ZCCHC8: variants seen among roughly 807,000 people sequenced by gnomAD.
The protein encoded by ZCCHC8 is zinc finger CCHC-type containing 8.
Under a neutral mutation model 70.6 loss-of-function variants are expected in ZCCHC8, and 27 were observed. That is an observed-to-expected ratio of 0.38 (90% CI 0.28 to 0.53). The LOEUF (loss-of-function observed/expected upper bound fraction) is 0.53, where lower values mean the gene tolerates loss of function less well. ZCCHC8 is among the 20% of genes least tolerant of loss of function. The pLI is 0.81. For missense variants in ZCCHC8, 737 were observed against 876.9 expected (o/e 0.84, Z 2.01); for synonymous variants, 293 against 317.4 (o/e 0.92, Z 0.82).
intron 5 of ZCCHC8, among the ~76,000 whole-genome samples, chr12:122,484,767 G>A (rs1444838679): frequency 1.3e-5 from 2 of 151,988 alleles, no homozygotes; most frequent in African/African-American, 4.8e-5. Flanking sequence ...ACTGGGCTGA[G>A]CTCCTAACAA....
intron 2 of ZCCHC8, among the ~76,000 whole-genome samples, chr12:122,497,577 G>C (rs1957845851): frequency 6.6e-6 from 1 of 152,014 alleles, no homozygotes; most frequent in South Asian, 2.1e-4. Flanking sequence ...AAGTGCATGT[G>C]AAATTACATC....
At chr12:122,494,581 C>A (rs1432391886) in intron 2 of ZCCHC8, among the ~76,000 whole-genome samples, 1 of 149,642 alleles carries the variant, frequency 6.7e-6, no homozygotes, top group East Asian at 2.0e-4. Context: ...AAGGGCCAGG[C>A]ACGGTGGCTC....
At chr12:122,495,344 A>T (rs993758071) in intron 2 of ZCCHC8, among the ~76,000 whole-genome samples, 3 of 151,914 alleles carry the variant, frequency 2.0e-5, no homozygotes, top group Non-Finnish European at 4.4e-5. Context: ...TACAAAAATT[A>T]TCCAGGCGTG....
At position 122,472,765 on chromosome 12, in the gene ZCCHC8, G is replaced by A. The variant is rs903462134; in HGVS notation, c.*732C>T. 3 of 152,130 alleles carry A rather than the reference G, an allele frequency of 2.0e-5. No homozygotes were observed. Among genetic ancestry groups the A allele is most frequent in the East Asian group, 1.9e-4 (1 of 5,164 alleles). 9.4% of individuals were successfully genotyped at this position (152,130 alleles called of 1,614,324 possible). On this transcript the variant is annotated 3_prime_UTR_variant, in exon 14 of 14. Transcript: ENST00000633063. Reference sequence around the variant, plus strand: ...CTTAAACTCGGGAGGCGGAGGTTGCGGTGAGCCGAGATTGTGCCATTGCAC... The same window carrying A: ...CTTAAACTCGGGAGGCGGAGGTTGCAGTGAGCCGAGATTGTGCCATTGCAC...
At position 122,474,147 on chromosome 12, in the gene ZCCHC8, T is replaced by A. The variant is rs755245037; in HGVS notation, c.1474A>T (p.Thr492Ser). The change falls in exon 14 of 14, where the codon ACC (threonine) becomes TCC (serine). Residue 492 changes from threonine (T) to serine (S), a missense_variant. Physicochemically the swap from Thr to Ser is moderately conservative, Grantham distance 58. Transcript: ENST00000633063. ...GAGTCACTGGGAGTCAGCGGCGGGG[T>A]GCCCTTTGGGAGTGGAGGGGTGAAG... ...PVFTPPLPKG[T>S]PPLTPSDSPQ... 7 of 1,506,710 alleles carry A rather than the reference T, an allele frequency of 4.6e-6. No individual in the cohort carries two copies. The highest frequency in any genetic ancestry group is 6.2e-6 in the Non-Finnish European group (7 of 1,133,120). 93.3% of individuals were successfully genotyped at this position (1,506,710 alleles called of 1,614,324 possible). A position where few individuals can be genotyped will look rare whatever the true frequency, so the allele number is the denominator to read the frequency against.
intron 2 of ZCCHC8, among the ~76,000 whole-genome samples, chr12:122,494,840 G>A (rs1369763910): frequency 6.6e-6 from 1 of 152,260 alleles, no homozygotes; most frequent in African/African-American, 2.4e-5. Context: ...GGGTGACAGA[G>A]CAACACGCTC....
chr12:122,479,965 C>T (rs1957498737), intron 11 of ZCCHC8, among the ~76,000 whole-genome samples: 1 of 152,108 alleles, frequency 6.6e-6, no homozygotes, highest in Non-Finnish European at 1.5e-5. Context: ...CATGTGCCAC[C>T]ACCCTTGGCT....
At chr12:122,491,266 C>G in intron 3 of ZCCHC8, among the ~76,000 whole-genome samples, 1 of 152,136 alleles carries the variant, frequency 6.6e-6, no homozygotes, top group East Asian at 1.9e-4. Flanking sequence ...TTTTAGGTAT[C>G]TTGTAGCTCT....
chr12:122,476,896 C>T (rs1249006668), intron 13 of ZCCHC8, among the ~76,000 whole-genome samples: 1 of 151,520 alleles, frequency 6.6e-6, no homozygotes, highest in Non-Finnish European at 1.5e-5. Flanking sequence ...GTGGCGGGCA[C>T]CTGTAATCCC....
intron 2 of ZCCHC8, among the ~76,000 whole-genome samples, chr12:122,497,487 A>T (rs1414042132): frequency 6.6e-6 from 1 of 152,104 alleles, no homozygotes; most frequent in East Asian, 1.9e-4. Flanking sequence ...GGTTGCAGTG[A>T]GCTGAGATAG....
intron 5 of ZCCHC8, among the ~76,000 whole-genome samples, chr12:122,485,070 T>C (rs1230880768): frequency 3.3e-5 from 5 of 152,200 alleles, no homozygotes; most frequent in Non-Finnish European, 5.9e-5. Flanking sequence ...CCATGGTATG[T>C]AGTATAATAT....
Position 122,477,029 on chromosome 12 carries a change from C to T in ZCCHC8, c.1345+812G>A, listed in dbSNP as rs559527685. Among the ~76,000 whole-genome samples the T allele has an allele frequency of 3.3e-5, 5 of 151,434 alleles. No individual in the cohort carries two copies. In the East Asian group the frequency reaches 7.8e-4, roughly 24 times the overall value. On this transcript the variant is annotated intron_variant, in intron 13 of 13. Transcript: ENST00000633063. ...AGTGAAACTCTGTCTCGAAAAACAA[C>T]CGAAAAAACAAAGAAAAACTTAGGG...
intron 3 of ZCCHC8, 142 bp downstream of exon 3, chr12:122,492,573 A>T: frequency 1.6e-6 from 1 of 634,362 alleles, no homozygotes; most frequent in Non-Finnish European, 2.8e-6. Flanking sequence ...GCTCTTAATC[A>T]TGATTCCTTG....
In ZCCHC8 at chr12:122,500,231, G is replaced by A; in HGVS notation, c.199+411C>T. 5.7e-6 allele frequency: 1 copy of A among 176,060 alleles called. No homozygotes were observed. The highest frequency in any genetic ancestry group is 1.2e-5 in the Non-Finnish European group (1 of 83,266). The allele number at this position is 176,060 out of a possible 1,614,324, so 10.9% of individuals were successfully genotyped here. ...TAAAAACCGATCCCGCGTCTAAGCA[G>A]CCGGTATTTCATCACCTACAACTGT... is the stretch of plus-strand genomic sequence containing the variant. On this transcript the variant is annotated intron_variant, in intron 1 of 13. Coordinates refer to ENST00000633063, the MANE Select transcript of ZCCHC8 (RefSeq NM_017612.5). This position sits in a 1 kb window ranked among gnomAD's most constrained non-coding sequence, Gnocchi z 4.8.
chr12:122,492,942 A>T (rs1193617937), intron 2 of ZCCHC8, among the ~76,000 whole-genome samples, 153 bp from the exon 3 acceptor site: 2 of 151,642 alleles, frequency 1.3e-5, no homozygotes, highest in Non-Finnish European at 2.9e-5. Context: ...GAGATCTTGG[A>T]TCACTGCAAC....
chr12:122,488,853 A>C (rs1957691153), intron 5 of ZCCHC8, among the ~76,000 whole-genome samples: 1 of 150,076 alleles, frequency 6.7e-6, no homozygotes, highest in Non-Finnish European at 1.5e-5. Flanking sequence ...CCTGGACGAC[A>C]GGGCAAGACT....
chr12:122,479,040 A>G lies in ZCCHC8; in HGVS notation c.1141-748T>C, dbSNP rs963412619. On this transcript the variant is annotated intron_variant, in intron 11 of 13. Transcript: ENST00000633063. ...ACTTCAAGTCTTTGGCTGTTTCCCT[A>G]CTGTCCAGTTCCTAAGAACACCAAG... Among the ~76,000 whole-genome samples the G allele has an allele frequency of 2.6e-5, 4 of 151,980 alleles. No individual in the cohort carries two copies. In the South Asian group the frequency reaches 8.3e-4, roughly 32 times the overall value.
At chr12:122,485,063 T>C (rs1414343481) in intron 5 of ZCCHC8, among the ~76,000 whole-genome samples, 1 of 152,168 alleles carries the variant, frequency 6.6e-6, no homozygotes, top group African/African-American at 2.4e-5. Context: ...TCCTGACCCA[T>C]GGTATGTAGT....
intron 2 of ZCCHC8, 113 bp from the exon 3 acceptor site, chr12:122,492,902 A>C: frequency 1.4e-6 from 1 of 714,366 alleles, no homozygotes; most frequent in Non-Finnish European, 2.4e-6. Context: ...ACAGGTTCTC[A>C]CTCTGTCGCT....
Sources: allele counts gnomAD v4.1 joint callset (sites outside exome capture counted in the v4.1 genomes callset), GRCh38; gene constraint gnomAD v4.1.1; non-coding constraint Gnocchi (gnomAD v3.1); transcripts MANE v1.5; gene names NCBI Gene and HGNC (gene_info 2026-07-23, HGNC 2026-07-21).